The following RYR2 variants were observed in gnomAD, a reference collection of about 807,000 sequenced individuals.
The protein encoded by RYR2 is cardiac muscle ryanodine receptor-calcium release channel.
In RYR2, 227 loss-of-function variants were observed where a neutral mutation model predicts 601.1. That is an observed-to-expected ratio of 0.38 (90% confidence interval 0.34 to 0.42). The LOEUF (loss-of-function observed/expected upper bound fraction) is 0.42. RYR2 is among the 10% of genes least tolerant of loss of function. The pLI is 1.00. For missense variants in RYR2, 4,646 were observed against 6,156.5 expected, an observed-to-expected ratio of 0.75 and a Z score of 8.21; for synonymous variants, 2,223 against 2,175.1, an observed-to-expected ratio of 1.02 and a Z score of -0.61.
intron 1 of RYR2, among the ~76,000 whole-genome samples, chr1:237,173,537 A>G (rs879833650): frequency 2.0e-4 from 30 of 152,320 alleles, no homozygotes; most frequent in Non-Finnish European, 3.7e-4. Context: ...TTGAGAATAC[A>G]CACTCTGACA....
rs187878992 is a variant in RYR2 at position 237,257,935 on chromosome 1, G to A, written c.49-12562G>A. 5.9e-5 allele frequency among the ~76,000 whole-genome samples: 9 copies of A among 152,124 alleles called. No homozygotes were observed. In the East Asian group the frequency reaches 7.8e-4, roughly 13 times the overall value. ...TCCCAGCACTTTGGGAGGCCAAGGC[G>A]GGCAGATCACCTGAGGTCAAGAGTT... is the stretch of plus-strand genomic sequence containing the variant. On this transcript the variant is annotated intron_variant, in intron 1 of 104. Transcript: ENST00000366574.
At chr1:237,157,035 C>T (rs1675424242) in intron 1 of RYR2, among the ~76,000 whole-genome samples, 1 of 152,218 alleles carries the variant, frequency 6.6e-6, no homozygotes, top group African/African-American at 2.4e-5. Flanking sequence ...GTGGCTCACG[C>T]CTGTAATCCC....
At chr1:237,133,453 C>G (rs1053701145) in intron 1 of RYR2, among the ~76,000 whole-genome samples, 1 of 152,034 alleles carries the variant, frequency 6.6e-6, no homozygotes, top group Non-Finnish European at 1.5e-5. Flanking sequence ...TTGCTCAGCT[C>G]CAGGTTTAAT....
chr1:237,364,257 A>G, intron 4 of RYR2, 101 bp from the exon 5 acceptor site: 1 of 1,054,520 alleles, frequency 9.5e-7, no homozygotes, highest in Non-Finnish European at 1.4e-6. Flanking sequence ...ACATAGCTCC[A>G]TTTAGGATAA....
intron 24 of RYR2, among the ~76,000 whole-genome samples, chr1:237,528,661 C>T (rs1267090646): frequency 2.0e-5 from 3 of 152,098 alleles, no homozygotes; most frequent in African/African-American, 4.8e-5. Flanking sequence ...AAAACACTGG[C>T]TCTCTCTCAG....
chr1:237,443,030 T>A (rs1708047730), intron 13 of RYR2, among the ~76,000 whole-genome samples: 3 of 152,232 alleles, frequency 2.0e-5, no homozygotes, highest in Non-Finnish European at 2.9e-5. Context: ...CGTGCCATTT[T>A]AGTCTGCTGG....
chr1:237,171,409 A>G (rs1049412345), intron 1 of RYR2, among the ~76,000 whole-genome samples: 15 of 152,158 alleles, frequency 9.9e-5, no homozygotes, highest in African/African-American at 3.6e-4. Context: ...CCATACATCT[A>G]GAACTCACTA....
At chr1:237,708,614 C>G (rs909506247) in intron 68 of RYR2, among the ~76,000 whole-genome samples, 1 of 151,644 alleles carries the variant, frequency 6.6e-6, no homozygotes, top group South Asian at 2.1e-4. Flanking sequence ...TTTTTTCATT[C>G]TAAATTAGCT....
intron 102 of RYR2, 103 bp downstream of exon 102, chr1:237,828,548 AAG>A (rs2102927871): frequency 1.4e-6 from 1 of 739,636 alleles, no homozygotes; most frequent in East Asian, 2.8e-5. Context: ...GAGGAGGGGG[AAG>A]GGCACAACTT....
intron 68 of RYR2, among the ~76,000 whole-genome samples, chr1:237,708,472 G>C (rs1688563124): frequency 6.6e-6 from 1 of 152,180 alleles, no homozygotes; most frequent in Admixed American, 6.5e-5. Flanking sequence ...GTTAAAATGA[G>C]ATAACTGTAT....
At chr1:237,243,883 A>G (rs535297610) in intron 1 of RYR2, among the ~76,000 whole-genome samples, 1 of 152,350 alleles carries the variant, frequency 6.6e-6, no homozygotes, top group African/African-American at 2.4e-5. Context: ...ACAATGTGGC[A>G]AGAAGGTCAC....
chr1:237,117,503 C>T lies in RYR2; in HGVS notation c.48+74934C>T, dbSNP rs113643987. Reference sequence around the variant, plus strand: ...GCCTCAATTGGGTATTTCTGGATTCCTGAAATGAGGCTTCATGCCCTGGAC... The same window carrying T: ...GCCTCAATTGGGTATTTCTGGATTCTTGAAATGAGGCTTCATGCCCTGGAC... On this transcript the variant is annotated intron_variant, in intron 1 of 104. Coordinates refer to ENST00000366574, the MANE Select transcript of RYR2 (RefSeq NM_001035.3). Among the ~76,000 whole-genome samples the T allele has an allele frequency of 7.2e-3, 1,094 of 152,112 alleles. 5 individuals are homozygous for T. The highest frequency in any genetic ancestry group is 0.012 in the Non-Finnish European group (820 of 68,004).
At chr1:237,542,264 T>A (rs1229693475) in intron 25 of RYR2, among the ~76,000 whole-genome samples, 1 of 151,960 alleles carries the variant, frequency 6.6e-6, no homozygotes, top group African/African-American at 2.4e-5. Flanking sequence ...CAGCTAATTT[T>A]GTATTTTTAG....
chr1:237,699,447 G>T (rs1286815659), intron 64 of RYR2, among the ~76,000 whole-genome samples: 1 of 151,810 alleles, frequency 6.6e-6, no homozygotes, highest in Admixed American at 6.6e-5. Flanking sequence ...TACTAAGTGT[G>T]TAGGTAGACG....
chr1:237,507,510 A>G (rs1449760429), intron 23 of RYR2, among the ~76,000 whole-genome samples: 1 of 152,238 alleles, frequency 6.6e-6, no homozygotes, highest in African/African-American at 2.4e-5. Flanking sequence ...CTGAATATGG[A>G]AATTAATGTA....
chr1:237,598,141 C>T (rs886521245), intron 34 of RYR2, among the ~76,000 whole-genome samples: 1 of 152,138 alleles, frequency 6.6e-6, no homozygotes, highest in Non-Finnish European at 1.5e-5. Flanking sequence ...TATATGCATT[C>T]AACACTGGAG....
chr1:237,520,246 G>C (rs982799457), intron 24 of RYR2, among the ~76,000 whole-genome samples: 1 of 152,140 alleles, frequency 6.6e-6, no homozygotes, highest in African/African-American at 2.4e-5. Context: ...CAAATTGTCA[G>C]CAAACAAGGA....
intron 29 of RYR2, among the ~76,000 whole-genome samples, chr1:237,580,767 A>G (rs1029376820): frequency 5.3e-5 from 8 of 152,160 alleles, no homozygotes; most frequent in African/African-American, 1.7e-4. Context: ...GCCTTAATCC[A>G]GTATGGCTGG....
In RYR2 at chr1:237,833,275, TAAA is replaced by T. The variant is rs1239918534; in HGVS notation, c.*631_*633del. On this transcript the variant is annotated 3_prime_UTR_variant, in exon 105 of 105. Coordinates refer to ENST00000366574, the MANE Select transcript of RYR2 (RefSeq NM_001035.3). ...GAGGGTAAGAAAAGCAGTTTGCACT[TAAA>T]AAGAAAAAAAAAAAACGGGTGGTGT... 1.1e-5 allele frequency: 1 copy of T among 87,132 alleles called. No individual in the cohort carries two copies. The highest frequency in any genetic ancestry group is 6.1e-5 in the African/African-American group (1 of 16,406). The allele number at this position is 87,132 out of a possible 1,614,324, so 5.4% of individuals were successfully genotyped here. A position where few individuals can be genotyped will look rare whatever the true frequency, so the allele number is the denominator to read the frequency against.
Sources: gnomAD v4.1 joint callset for allele counts (sites outside exome capture counted in the v4.1 genomes callset) on GRCh38, gnomAD v4.1.1 for gene constraint, MANE v1.5 for transcripts, NCBI Gene and HGNC (gene_info 2026-07-23, HGNC 2026-07-21) for gene names.